Variants in NXPH1 observed in about 807,000 individuals in gnomAD.
NXPH1 encodes neurexophilin-1.
A neutral mutation model predicts 23.7 loss-of-function variants in NXPH1; 5 were observed. The ratio of observed to expected loss-of-function variants is 0.21; its 90% CI spans 0.11 to 0.44. NXPH1 has a LOEUF of 0.44. Ranked by LOEUF, NXPH1 falls within the 20% of genes least tolerant of loss-of-function variation. The pLI is 0.99. For missense variants in NXPH1, 324 were observed against 321.6 expected (o/e 1.01, Z -0.06); for synonymous variants, 144 against 122.2 (o/e 1.18, Z -1.18).
chr7:8,475,964 C>G (rs145020979), intron 2 of NXPH1, among the ~76,000 whole-genome samples: 1 of 152,218 alleles, frequency 6.6e-6, no homozygotes, highest in East Asian at 1.9e-4. Context: ...CTCACCTTGC[C>G]AGCAAGGAAT....
chr7:8,702,388 C>A (rs1779638210), intron 2 of NXPH1, among the ~76,000 whole-genome samples: 1 of 152,014 alleles, frequency 6.6e-6, no homozygotes, highest in Non-Finnish European at 1.5e-5. Context: ...CTTATTCAAA[C>A]CCGATATTTA....
At chr7:8,607,675 G>A (rs1785069394) in intron 2 of NXPH1, among the ~76,000 whole-genome samples, 1 of 152,152 alleles carries the variant, frequency 6.6e-6, no homozygotes, top group African/African-American at 2.4e-5. Context: ...TGAACTGTGG[G>A]AATATGTTGC....
chr7:8,654,516 C>T (rs939101655), intron 2 of NXPH1, among the ~76,000 whole-genome samples: 7 of 152,086 alleles, frequency 4.6e-5, no homozygotes, highest in African/African-American at 1.7e-4. Context: ...GATTCAGGTG[C>T]GAAGGGAAGA....
At chr7:8,589,545 A>C (rs1043164285) in intron 2 of NXPH1, among the ~76,000 whole-genome samples, 1 of 152,014 alleles carries the variant, frequency 6.6e-6, no homozygotes, top group Non-Finnish European at 1.5e-5. Context: ...CCTAGCAAAA[A>C]GTGAGGGTGA....
chr7:8,646,551 T>G (rs993192055), intron 2 of NXPH1, among the ~76,000 whole-genome samples: 1 of 152,144 alleles, frequency 6.6e-6, no homozygotes, highest in Non-Finnish European at 1.5e-5. Context: ...AAAAGAAATA[T>G]GACTATAGGC....
At chr7:8,628,679 T>C (rs1820052306) in intron 2 of NXPH1, among the ~76,000 whole-genome samples, 2 of 151,998 alleles carry the variant, frequency 1.3e-5, no homozygotes, top group South Asian at 2.1e-4. Flanking sequence ...GATTCAACAA[T>C]GTTCTTGAGT....
chr7:8,496,660 T>A (rs546095655), intron 2 of NXPH1, among the ~76,000 whole-genome samples: 1 of 152,012 alleles, frequency 6.6e-6, no homozygotes, highest in African/African-American at 2.4e-5. Flanking sequence ...TTGGGCCCCA[T>A]CCCAGAACTC....
rs180932122 is a variant in NXPH1 at position 8,745,253 on chromosome 7, C to T, written c.55-5755C>T. Among the ~76,000 whole-genome samples, 23 of 152,214 alleles carry T rather than the reference C, an allele frequency of 1.5e-4. No individual in the cohort carries two copies. The Middle Eastern group carries it at 0.017, about 113-fold the overall frequency. On this transcript the variant is annotated intron_variant, in intron 2 of 2. Coordinates refer to ENST00000405863, the MANE Select transcript of NXPH1 (RefSeq NM_152745.3). ...TATAATTATGGTGTACAGTATAAGG[C>T]TATGAGATATGTATACATTGTGGAA...
At chr7:8,670,982 T>G (rs1820860149) in intron 2 of NXPH1, among the ~76,000 whole-genome samples, 2 of 152,172 alleles carry the variant, frequency 1.3e-5, no homozygotes, top group Non-Finnish European at 2.9e-5. Context: ...TCTGCCTGAG[T>G]CATCGTCATG....
intron 2 of NXPH1, among the ~76,000 whole-genome samples, chr7:8,560,937 G>A (rs1021095737): frequency 6.6e-6 from 1 of 151,616 alleles, no homozygotes; most frequent in Non-Finnish European, 1.5e-5. Context: ...TTTTGGCTGA[G>A]CTTCACCATG....
At chr7:8,439,110 C>T (rs972038291) in intron 2 of NXPH1, among the ~76,000 whole-genome samples, 15 of 152,088 alleles carry the variant, frequency 9.9e-5, no homozygotes, top group African/African-American at 1.9e-4. Flanking sequence ...TGGTTAACAA[C>T]GCTTATTAAA....
intron 2 of NXPH1, among the ~76,000 whole-genome samples, chr7:8,484,898 T>A (rs1817132581): frequency 6.6e-6 from 1 of 152,210 alleles, no homozygotes; most frequent in Non-Finnish European, 1.5e-5. Flanking sequence ...GCAAAATATG[T>A]AAGCTTCTAA....
intron 2 of NXPH1, among the ~76,000 whole-genome samples, chr7:8,591,596 TTG>T (rs1819095061): frequency 6.6e-6 from 1 of 152,034 alleles, no homozygotes; most frequent in African/African-American, 2.4e-5. Context: ...TTGCAAAACT[TTG>T]TGTTTCCATT....
At chr7:8,530,955 T>A (rs1817941128) in intron 2 of NXPH1, among the ~76,000 whole-genome samples, 1 of 152,188 alleles carries the variant, frequency 6.6e-6, no homozygotes, top group Non-Finnish European at 1.5e-5. Flanking sequence ...ATGTACATTA[T>A]CTCTTTTGCT....
chr7:8,597,749 T>G (rs1819258873), intron 2 of NXPH1, among the ~76,000 whole-genome samples: 1 of 151,352 alleles, frequency 6.6e-6, no homozygotes, highest in South Asian at 2.1e-4. Flanking sequence ...GCTATCACCT[T>G]TCTACTTGGC....
At chr7:8,667,237 A>T (rs752196632) in intron 2 of NXPH1, among the ~76,000 whole-genome samples, 2 of 152,096 alleles carry the variant, frequency 1.3e-5, no homozygotes, top group South Asian at 2.1e-4. Context: ...CATTATTAGC[A>T]TATTCTGAAT....
intron 2 of NXPH1, among the ~76,000 whole-genome samples, chr7:8,669,444 G>A (rs930397126): frequency 3.3e-5 from 5 of 151,964 alleles, no homozygotes; most frequent in Non-Finnish European, 5.9e-5. Flanking sequence ...CTCAGACCTG[G>A]CTTGGGGGAC....
chr7:8,476,843 A>G (rs2128609244), intron 2 of NXPH1, among the ~76,000 whole-genome samples: 1 of 152,314 alleles, frequency 6.6e-6, no homozygotes, highest in African/African-American at 2.4e-5. Flanking sequence ...AATTTTAACC[A>G]GGCACAACCA....
intron 2 of NXPH1, among the ~76,000 whole-genome samples, chr7:8,662,272 T>G (rs951783699): frequency 6.6e-6 from 1 of 152,040 alleles, no homozygotes; most frequent in Non-Finnish European, 1.5e-5. Flanking sequence ...TATGTTTGAT[T>G]TAACATTGTC....
Sources: allele counts gnomAD v4.1 joint callset (sites outside exome capture counted in the v4.1 genomes callset), GRCh38; gene constraint gnomAD v4.1.1; transcripts MANE v1.5; gene names NCBI Gene and HGNC (gene_info 2026-07-23, HGNC 2026-07-21).